Variants in GRID1 observed in about 807,000 individuals in gnomAD.
The protein encoded by GRID1 is glutamate receptor ionotropic, delta-1.
In GRID1, 28 loss-of-function variants were observed where a neutral mutation model predicts 98.0. The ratio of observed to expected loss-of-function variants is 0.29; its 90% CI spans 0.21 to 0.39. GRID1 has a LOEUF of 0.39. Among genes scored for constraint, GRID1 ranks in the 10% least tolerant of loss-of-function variants. GRID1 has a pLI of 1.00. For synonymous variants in GRID1, 553 were observed against 538.5 expected (o/e 1.03, Z -0.37); for missense variants, 1,111 against 1,340.5 (o/e 0.83, Z 2.67).
chr10:86,000,535 A>G (rs1468604211), intron 4 of GRID1, among the ~76,000 whole-genome samples: 1 of 152,258 alleles, frequency 6.6e-6, no homozygotes, highest in Admixed American at 6.5e-5. Context: ...ACCATAAGTT[A>G]TGGTAATCAA....
chr10:85,962,406 A>G (rs1158736117), intron 4 of GRID1, among the ~76,000 whole-genome samples: 3 of 152,230 alleles, frequency 2.0e-5, no homozygotes, highest in Admixed American at 6.5e-5. Flanking sequence ...AAAAAGCCCC[A>G]GCTCAGCTGC....
intron 8 of GRID1, among the ~76,000 whole-genome samples, chr10:85,761,068 A>G (rs558976933): frequency 1.3e-5 from 2 of 152,310 alleles, no homozygotes; most frequent in South Asian, 4.1e-4. Flanking sequence ...TCTTCAAAAA[A>G]CAAAAAGGCT....
At chr10:86,082,272 G>A (rs1448650923) in intron 4 of GRID1, among the ~76,000 whole-genome samples, 1 of 152,170 alleles carries the variant, frequency 6.6e-6, no homozygotes, top group African/African-American at 2.4e-5. Context: ...AATAGCCCTG[G>A]GCAGTGCAGT....
At chr10:86,166,114 CT>C (rs72126955) in intron 3 of GRID1, among the ~76,000 whole-genome samples, 4 of 151,730 alleles carry the variant, frequency 2.6e-5, no homozygotes, top group African/African-American at 7.3e-5. Context: ...CTGTCACTAT[CT>C]TTTTTTTTAT....
chr10:86,221,898 TCTCCTCCTC>T (rs56750241), intron 2 of GRID1, among the ~76,000 whole-genome samples: 1 of 149,908 alleles, frequency 6.7e-6, no homozygotes, highest in Non-Finnish European at 1.5e-5. Flanking sequence ...TCCTCCTCCT[TCTCCTCCTC>T]CTCCTCCTCC....
chr10:86,308,637 G>A (rs1847791910), intron 2 of GRID1, among the ~76,000 whole-genome samples: 1 of 152,188 alleles, frequency 6.6e-6, no homozygotes, highest in Non-Finnish European at 1.5e-5. Context: ...TCCATCTCAT[G>A]TTGCTGTAAC....
chr10:85,944,578 A>T (rs12767688), intron 4 of GRID1, among the ~76,000 whole-genome samples: 1 of 152,158 alleles, frequency 6.6e-6, no homozygotes, highest in Non-Finnish European at 1.5e-5. Flanking sequence ...AAAATGTATA[A>T]GGATATTTAT....
chr10:85,856,011 G>T lies in GRID1; in HGVS notation c.1113+18C>A. The T allele has an allele frequency of 6.2e-7, 1 of 1,611,302 alleles. No homozygotes were observed. Among genetic ancestry groups the T allele is most frequent in the East Asian group, 2.2e-5 (1 of 44,848 alleles). On this transcript the variant is annotated intron_variant, in intron 7 of 15. Transcript: ENST00000327946. ...GGGCCTGTCTTTGGCCAGGTTGGGG[G>T]TGCCCCCTCACACGTACCTTTTTGA...
Position 85,703,995 on chromosome 10 carries a change from G to C in GRID1, c.1997+19008C>G, listed in dbSNP as rs551710094. ...ATTTCTCCTTCACTTATGAAGCTTA[G>C]TTTGGCTGGATATGAAATTCTGGGT... On this transcript the variant is annotated intron_variant, in intron 12 of 15. Coordinates refer to ENST00000327946, the MANE Select transcript of GRID1 (RefSeq NM_017551.3). Among the ~76,000 whole-genome samples the C allele has an allele frequency of 5.0e-3, 763 of 152,210 alleles. 2 individuals carry two copies. The highest frequency in any genetic ancestry group is 0.017 in the African/African-American group (726 of 41,518).
intron 8 of GRID1, among the ~76,000 whole-genome samples, chr10:85,815,271 A>G: frequency 6.6e-6 from 1 of 152,098 alleles, no homozygotes; most frequent in East Asian, 1.9e-4. Flanking sequence ...ATCTTTTTAA[A>G]AATCTGCAAT....
Position 85,865,955 on chromosome 10 carries a change from G to GGA in GRID1, c.951+3053_951+3054dup, listed in dbSNP as rs11468652. ...TATATATATATATACACATATATAT[G>GGA]GAGAGAGAGAGAGAGAGAGAGAGAG... is the stretch of plus-strand genomic sequence containing the variant. On this transcript the variant is annotated intron_variant, in intron 6 of 15. Coordinates refer to ENST00000327946, the MANE Select transcript of GRID1 (RefSeq NM_017551.3). Among the ~76,000 whole-genome samples the GGA allele has an allele frequency of 8.3e-4, 70 of 84,680 alleles. 4 individuals are homozygous for GGA. The highest frequency in any genetic ancestry group is 2.1e-3 in the East Asian group (6 of 2,886). The allele number at this position is 84,680 out of a possible 152,430, so 55.6% of individuals were successfully genotyped here.
chr10:86,299,893 C>A (rs1045597819), intron 2 of GRID1, among the ~76,000 whole-genome samples: 1 of 152,174 alleles, frequency 6.6e-6, no homozygotes, highest in African/African-American at 2.4e-5. Context: ...CTCCATGAGG[C>A]CTTTCCAATC....
At chr10:85,603,458 G>A (rs1192466391) in intron 15 of GRID1, among the ~76,000 whole-genome samples, 1 of 152,238 alleles carries the variant, frequency 6.6e-6, no homozygotes, top group African/African-American at 2.4e-5. Flanking sequence ...ACCTGATACT[G>A]TCTCACCACA....
chr10:85,999,203 C>T (rs1348506689), intron 4 of GRID1, among the ~76,000 whole-genome samples: 7 of 117,742 alleles, frequency 5.9e-5, no homozygotes, highest in Non-Finnish European at 8.9e-5. Context: ...CAGAGCAAGA[C>T]TCTATTTCAA....
In GRID1 at chr10:85,970,069, C is replaced by T. The variant is rs182636274; in HGVS notation, c.727-53830G>A. On this transcript the variant is annotated intron_variant, in intron 4 of 15. Coordinates refer to ENST00000327946, the MANE Select transcript of GRID1 (RefSeq NM_017551.3). The stretch of plus-strand genomic sequence containing the variant: ...GCTGTGTGACAACAAACTAAATAAG[C>T]GAACTAGATATATTTCTAGAAAGAC... Among the ~76,000 whole-genome samples, 339 of 151,450 alleles carry T rather than the reference C, an allele frequency of 2.2e-3. 2 individuals carry two copies. The highest frequency in any genetic ancestry group is 7.8e-3 in the African/African-American group (322 of 41,332).
chr10:85,728,894 G>A (rs938384219), intron 9 of GRID1, among the ~76,000 whole-genome samples: 55 of 152,186 alleles, frequency 3.6e-4, no homozygotes, highest in African/African-American at 1.1e-3. Flanking sequence ...GAGAGGGGAC[G>A]TTTGGGCACG....
At chr10:85,623,461 C>G (rs772396308) in intron 13 of GRID1, among the ~76,000 whole-genome samples, 1 of 152,224 alleles carries the variant, frequency 6.6e-6, no homozygotes, top group African/African-American at 2.4e-5. Context: ...CAGTTTTCCA[C>G]GTGGCCCCAA....
chr10:86,042,212 G>A (rs188969144), intron 4 of GRID1, among the ~76,000 whole-genome samples: 61 of 152,312 alleles, frequency 4.0e-4, no homozygotes, highest in Non-Finnish European at 7.1e-4. Context: ...GATGGCTTTC[G>A]CAATCCCCCC....
chr10:85,905,522 AACTG>A (rs1460723948), intron 5 of GRID1, among the ~76,000 whole-genome samples: 4 of 152,168 alleles, frequency 2.6e-5, no homozygotes, highest in East Asian at 3.8e-4. Context: ...TTTAAAAGAT[AACTG>A]ACTGTTTTAA....
Sources: allele counts gnomAD v4.1 joint callset (sites outside exome capture counted in the v4.1 genomes callset), GRCh38; gene constraint gnomAD v4.1.1; transcripts MANE v1.5; gene names NCBI Gene and HGNC (gene_info 2026-07-23, HGNC 2026-07-21).